The following CNBD1 variants were observed in gnomAD, a reference collection of about 807,000 sequenced individuals.
CNBD1 encodes cyclic nucleotide binding domain containing 1, also known as cyclic nucleotide-binding domain-containing protein 1.
A neutral mutation model predicts 54.4 loss-of-function variants in CNBD1; 71 were observed. The ratio of observed to expected loss-of-function variants is 1.30; its 90% CI spans 1.08 to 1.59. The LOEUF (loss-of-function observed/expected upper bound fraction) is 1.59. Ranked by LOEUF, CNBD1 falls within the 40% of genes most tolerant of loss-of-function variation. The probability of loss-of-function intolerance (pLI) is 0.00; values close to 1 mark genes in which losing one functional copy is unlikely to be tolerated. For synonymous variants in CNBD1, 182 were observed against 170.7 expected (o/e 1.07, Z -0.51); for missense variants, 659 against 518.0 (o/e 1.27, Z -2.64).
intron 4 of CNBD1, among the ~76,000 whole-genome samples, chr8:87,087,769 A>T (rs1811132469): frequency 6.6e-6 from 1 of 152,056 alleles, no homozygotes; most frequent in African/African-American, 2.4e-5. Flanking sequence ...CCCAGCCATG[A>T]AGTACATTCT....
rs558559731 is a variant in CNBD1 at position 87,228,842 on chromosome 8, C to T, written c.578-8077C>T. 2.4e-4 allele frequency among the ~76,000 whole-genome samples: 36 copies of T among 152,316 alleles called. No individual in the cohort carries two copies. In the East Asian group the frequency reaches 4.1e-3, roughly 17 times the overall value. ...ATGGCGGGCGCCCCTCCTCCAGCCT[C>T]GCTGCTGCCTTGCAGTTTGATCTCA... On this transcript the variant is annotated intron_variant, in intron 5 of 10. Transcript: ENST00000518476.
chr8:87,391,672 A>G (rs1252945724), intron 2 of CNBD1, among the ~76,000 whole-genome samples: 1 of 152,072 alleles, frequency 6.6e-6, no homozygotes, highest in Non-Finnish European at 1.5e-5. Context: ...CACTTTGCAC[A>G]AAAATTGACT....
intron 8 of CNBD1, among the ~76,000 whole-genome samples, chr8:87,348,776 C>A (rs948267396): frequency 1.3e-5 from 2 of 152,132 alleles, no homozygotes; most frequent in African/African-American, 2.4e-5. Flanking sequence ...GGGAATTATT[C>A]TTCTTATCGT....
intron 4 of CNBD1, among the ~76,000 whole-genome samples, chr8:86,964,446 G>C (rs1331896963): frequency 6.6e-6 from 1 of 152,224 alleles, no homozygotes; most frequent in Non-Finnish European, 1.5e-5. Context: ...AGGGTGGCCT[G>C]CTTTTCAGCA....
At chr8:87,235,671 G>T (rs951485401) in intron 5 of CNBD1, among the ~76,000 whole-genome samples, 1 of 152,016 alleles carries the variant, frequency 6.6e-6, no homozygotes, top group Admixed American at 6.6e-5. Context: ...GATCACAACA[G>T]ATATAATAAT....
chr8:87,298,135 G>A (rs1662694812), intron 8 of CNBD1, among the ~76,000 whole-genome samples: 1 of 151,206 alleles, frequency 6.6e-6, no homozygotes, highest in African/African-American at 2.4e-5. Flanking sequence ...TTGTAAATCT[G>A]ATTTTTATTA....
intron 4 of CNBD1, among the ~76,000 whole-genome samples, chr8:87,057,874 C>G (rs189916884): frequency 5.3e-5 from 8 of 152,108 alleles, no homozygotes; most frequent in African/African-American, 1.9e-4. Context: ...AAGACACACA[C>G]ACACACACAA....
intron 4 of CNBD1, among the ~76,000 whole-genome samples, chr8:87,173,869 C>T (rs950498978): frequency 6.6e-6 from 1 of 151,340 alleles, no homozygotes; most frequent in Non-Finnish European, 1.5e-5. Flanking sequence ...CTTTCTCTGC[C>T]TTCTCTTCGG....
chr8:87,112,493 C>A (rs1054002968), intron 4 of CNBD1, among the ~76,000 whole-genome samples: 3 of 152,044 alleles, frequency 2.0e-5, no homozygotes, highest in African/African-American at 7.2e-5. Flanking sequence ...ACAGAGAAGC[C>A]CTCAGATTTC....
At chr8:87,283,332 T>G (rs1409214960) in intron 6 of CNBD1, among the ~76,000 whole-genome samples, 1 of 152,052 alleles carries the variant, frequency 6.6e-6, no homozygotes, top group Non-Finnish European at 1.5e-5. Flanking sequence ...GTTGTTCAAT[T>G]TTTTTCTCCT....
intron 4 of CNBD1, among the ~76,000 whole-genome samples, chr8:86,948,465 A>G (rs2130442042): frequency 6.6e-6 from 1 of 152,284 alleles, no homozygotes; most frequent in African/African-American, 2.4e-5. Context: ...CTAGAGTGAG[A>G]TGACACCTCA....
At chr8:86,999,317 T>A (rs1808945116) in intron 4 of CNBD1, among the ~76,000 whole-genome samples, 1 of 152,212 alleles carries the variant, frequency 6.6e-6, no homozygotes, top group African/African-American at 2.4e-5. Context: ...TTATGGTGAC[T>A]TCCTATGTTA....
rs1346860388 is a variant in CNBD1, at chr8:87,236,866, A to G, written c.578-53A>G. On this transcript the variant is annotated intron_variant, in intron 5 of 10. Coordinates refer to ENST00000518476, the MANE Select transcript of CNBD1 (RefSeq NM_173538.3). Reference sequence around the variant, plus strand: ...TGTAATATATATATTAGTCATATCTATATCAAGGAGCCTGAGCACACAGTA... The same window carrying G: ...TGTAATATATATATTAGTCATATCTGTATCAAGGAGCCTGAGCACACAGTA... 4 of 1,084,996 alleles carry G rather than the reference A, an allele frequency of 3.7e-6. No homozygotes were observed. The South Asian group carries it at 4.8e-5, about 13-fold the overall frequency. The allele number at this position is 1,084,996 out of a possible 1,614,324, so 67.2% of individuals were successfully genotyped here. A position where few individuals can be genotyped will look rare whatever the true frequency, so the allele number is the denominator to read the frequency against.
intron 4 of CNBD1, among the ~76,000 whole-genome samples, chr8:87,080,514 T>G (rs1317414121): frequency 6.6e-6 from 1 of 151,254 alleles, no homozygotes; most frequent in Non-Finnish European, 1.5e-5. Context: ...GAGGTTGCAG[T>G]GAGCCAAGAT....
intron 10 of CNBD1, among the ~76,000 whole-genome samples, chr8:87,354,143 T>C (rs111483415): frequency 0.024 from 3,675 of 152,242 alleles, 153 homozygotes; most frequent in African/African-American, 0.081. Flanking sequence ...CTGTGTCCTG[T>C]CCTTCCTGCA....
intron 2 of CNBD1, among the ~76,000 whole-genome samples, chr8:87,425,498 G>C (rs894062480): frequency 1.3e-5 from 2 of 152,112 alleles, no homozygotes; most frequent in Non-Finnish European, 2.9e-5. Flanking sequence ...TGGGTTTTTG[G>C]TGTGGATGTC....
At chr8:86,974,744 CATG>C (rs2130497008) in intron 4 of CNBD1, among the ~76,000 whole-genome samples, 1 of 151,956 alleles carries the variant, frequency 6.6e-6, no homozygotes, top group Non-Finnish European at 1.5e-5. Flanking sequence ...TATAAATACA[CATG>C]ATGAATTATA....
In CNBD1 at chr8:87,323,876, G is replaced by T. The variant is rs893533652; in HGVS notation, c.1043-27809G>T. 1.0e-3 allele frequency among the ~76,000 whole-genome samples: 137 copies of T among 134,900 alleles called. 4 individuals are homozygous for T. Among genetic ancestry groups the T allele is most frequent in the African/African-American group, 3.5e-3 (128 of 36,332 alleles). The allele number at this position is 134,900 out of a possible 152,430, so 88.5% of individuals were successfully genotyped here. A position where few individuals can be genotyped will look rare whatever the true frequency, so the allele number is the denominator to read the frequency against. ...TGGTGAGAGAGGGCATCTCTGTCTT[G>T]TGCCAGTTTTCAAAGGGAATGCTTC... On this transcript the variant is annotated intron_variant, in intron 8 of 10. Coordinates refer to ENST00000518476, the MANE Select transcript of CNBD1 (RefSeq NM_173538.3).
downstream of CNBD1, among the ~76,000 whole-genome samples, chr8:87,383,064 T>A (rs558883998): frequency 3.2e-4 from 49 of 152,180 alleles, no homozygotes; most frequent in Non-Finnish European, 6.2e-4. Context: ...ATAAAGCATA[T>A]GTAAAAGGCA....
Sources: gnomAD v4.1 joint callset for allele counts (sites outside exome capture counted in the v4.1 genomes callset) on GRCh38, gnomAD v4.1.1 for gene constraint, MANE v1.5 for transcripts, NCBI Gene and HGNC (gene_info 2026-07-23, HGNC 2026-07-21) for gene names.